NFIB: variants seen among roughly 807,000 people sequenced by gnomAD.
NFIB encodes the protein nuclear factor 1 B-type.
Under a neutral mutation model 61.5 loss-of-function variants are expected in NFIB, and 11 were observed. That is an observed-to-expected ratio of 0.18 (90% CI 0.11 to 0.30). The LOEUF (loss-of-function observed/expected upper bound fraction) is 0.30, where lower values mean the gene tolerates loss of function less well. Among genes scored for constraint, NFIB ranks in the 10% least tolerant of loss-of-function variants. NFIB has a pLI of 1.00. For missense variants in NFIB, 471 were observed against 608.9 expected (o/e 0.77, Z 2.38); for synonymous variants, 260 against 216.5 (o/e 1.20, Z -1.76).
intron 1 of NFIB, among the ~76,000 whole-genome samples, chr9:14,381,348 T>C (rs1209074951): frequency 6.6e-6 from 1 of 151,784 alleles, no homozygotes; most frequent in Non-Finnish European, 1.5e-5. Flanking sequence ...TATGCCACCA[T>C]GCCCAGCTAA....
intron 2 of NFIB, among the ~76,000 whole-genome samples, chr9:14,278,584 G>A (rs1192595615): frequency 6.6e-6 from 1 of 152,204 alleles, no homozygotes; most frequent in Non-Finnish European, 1.5e-5. Flanking sequence ...AGCCTAGAAT[G>A]TTTGGGTTTG....
chr9:14,166,344 A>G (rs1038885619), intron 3 of NFIB, among the ~76,000 whole-genome samples: 1 of 152,198 alleles, frequency 6.6e-6, no homozygotes, highest in Non-Finnish European at 1.5e-5. Context: ...AATAAAGAAT[A>G]TATTTCCATT....
the NFIB span, among the ~76,000 whole-genome samples, chr9:14,485,358 TC>T: frequency 0.18 from 28,088 of 152,108 alleles, 4,155 homozygotes; most frequent in African/African-American, 0.41. Flanking sequence ...CCTGATTTTG[TC>T]CTCCAGCAAG....
the NFIB span, among the ~76,000 whole-genome samples, chr9:14,407,227 A>C: frequency 2.0e-5 from 3 of 152,248 alleles, no homozygotes; most frequent in African/African-American, 4.8e-5. Context: ...CATCTAACTA[A>C]ATATTCTGCA....
chr9:14,444,794 A>G, the NFIB span, among the ~76,000 whole-genome samples: 32 of 152,208 alleles, frequency 2.1e-4, no homozygotes, highest in Admixed American at 2.0e-3. Flanking sequence ...AATAAGCTTA[A>G]CCAAGTTAAA....
At chr9:14,404,592 T>C in the NFIB span, among the ~76,000 whole-genome samples, 2 of 152,184 alleles carry the variant, frequency 1.3e-5, no homozygotes, top group Non-Finnish European at 2.9e-5. Flanking sequence ...TGAGTTACGA[T>C]TGAGGGCAGA....
the NFIB span, among the ~76,000 whole-genome samples, chr9:14,530,593 T>G: frequency 1.3e-5 from 2 of 152,046 alleles, no homozygotes; most frequent in Admixed American, 6.5e-5. Flanking sequence ...TCCCTGAACG[T>G]TGAGCTTTCA....
intron 1 of NFIB, among the ~76,000 whole-genome samples, chr9:14,346,297 C>CA (rs2061021046): frequency 7.0e-6 from 1 of 143,642 alleles, no homozygotes; most frequent in Non-Finnish European, 1.6e-5. Flanking sequence ...GACACCCCCC[C>CA]CCCGTAACCT....
rs368970427 is a variant in NFIB, at chr9:14,369,390, C to G, written c.108+29134G>C. Among the ~76,000 whole-genome samples, 9 of 152,298 alleles carry G rather than the reference C, an allele frequency of 5.9e-5. No homozygotes were observed. The East Asian group carries it at 1.5e-3, about 26-fold the overall frequency. Reference sequence around the variant, plus strand: ...CAGGATAATTAGTTTCCATCTGTATCATTAAAAGTCATTTGCAGAGTATTT... The same window carrying G: ...CAGGATAATTAGTTTCCATCTGTATGATTAAAAGTCATTTGCAGAGTATTT... On this transcript the variant is annotated intron_variant, in intron 1 of 8. Transcript: ENST00000380934.
chr9:14,099,239 CA>C (rs1402365534), intron 10 of NFIB, among the ~76,000 whole-genome samples: 1 of 152,134 alleles, frequency 6.6e-6, no homozygotes, highest in Non-Finnish European at 1.5e-5. Flanking sequence ...GCATCTACCA[CA>C]ACAAAAATAA....
intron 1 of NFIB, among the ~76,000 whole-genome samples, chr9:14,331,038 A>G (rs766926664): frequency 1.5e-4 from 23 of 152,128 alleles, no homozygotes; most frequent in Non-Finnish European, 2.1e-4. Context: ...TCTGTGACCA[A>G]TTTAGGCCAA....
chr9:14,385,876 G>A (rs1203474960), intron 1 of NFIB, among the ~76,000 whole-genome samples: 2 of 151,016 alleles, frequency 1.3e-5, no homozygotes, highest in African/African-American at 2.4e-5. Flanking sequence ...TCCATTTCCC[G>A]GGTTCAAGTG....
intron 7 of NFIB, among the ~76,000 whole-genome samples, chr9:14,123,635 G>A (rs1039329802): frequency 8.5e-5 from 13 of 152,168 alleles, no homozygotes; most frequent in African/African-American, 2.7e-4. Context: ...TTGGCTATAT[G>A]GCAGTTGCCT....
chr9:14,484,223 G>A, the NFIB span, among the ~76,000 whole-genome samples: 2 of 152,174 alleles, frequency 1.3e-5, no homozygotes, highest in African/African-American at 4.8e-5. Context: ...ATAGAATAGT[G>A]AACTAAACAG....
chr9:14,196,458 A>G (rs568764114), intron 2 of NFIB, among the ~76,000 whole-genome samples: 3 of 152,218 alleles, frequency 2.0e-5, no homozygotes, highest in Admixed American at 6.5e-5. Flanking sequence ...TTCCTGTTTA[A>G]GGGAGGGAAT....
the NFIB span, among the ~76,000 whole-genome samples, chr9:14,485,651 G>A: frequency 1.3e-5 from 2 of 152,118 alleles, no homozygotes; most frequent in Non-Finnish European, 1.5e-5. Context: ...AATGTAGGTC[G>A]ATCATCTGAG....
intron 3 of NFIB, among the ~76,000 whole-genome samples, chr9:14,176,517 T>C (rs552907853): frequency 3.9e-5 from 6 of 152,250 alleles, no homozygotes; most frequent in African/African-American, 1.4e-4. Context: ...AGAAATACCA[T>C]AAAGGCTACT....
rs1365476444 is a variant in NFIB at position 14,307,203 on chromosome 9, C to T, written c.348G>A (p.Arg116=). The change falls in exon 2 of 11, where the codon AGG becomes AGA. Residue 116 remains arginine, a synonymous_variant. Coordinates refer to ENST00000380953, the MANE Select transcript of NFIB (RefSeq NM_001190737.2). This position sits in a 1 kb window ranked among gnomAD's most constrained non-coding sequence, Gnocchi z 5.3. ...CTGCCTGTCGCAGGCAGTCGATTCT[C>T]CTAATCTTACCCTTCTGGTCGGGAT... The part of the protein sequence containing the change: ...LSNPDQKGKI[R]RIDCLRQADK... 10 of 1,613,944 alleles carry T rather than the reference C, an allele frequency of 6.2e-6. No individual in the cohort carries two copies. Among genetic ancestry groups the T allele is most frequent in the African/African-American group, 2.7e-5 (2 of 74,886 alleles).
At chr9:14,530,630 C>G in the NFIB span, among the ~76,000 whole-genome samples, 2 of 152,172 alleles carry the variant, frequency 1.3e-5, no homozygotes, top group Admixed American at 6.5e-5. Flanking sequence ...AACAGCATAA[C>G]ATCCACCTTT....
Sources: allele counts gnomAD v4.1 joint callset (sites outside exome capture counted in the v4.1 genomes callset), GRCh38; gene constraint gnomAD v4.1.1; non-coding constraint Gnocchi (gnomAD v3.1); transcripts MANE v1.5; gene names NCBI Gene and HGNC (gene_info 2026-07-23, HGNC 2026-07-21).